TENM4: variants seen among roughly 807,000 people sequenced by gnomAD.
TENM4 encodes the protein teneurin transmembrane protein 4.
A neutral mutation model predicts 243.3 loss-of-function variants in TENM4; 82 were observed. That is an observed-to-expected ratio of 0.34 (90% CI 0.28 to 0.40). TENM4 has a LOEUF of 0.40. TENM4 is among the 10% of genes least tolerant of loss of function. TENM4 has a pLI of 1.00. For missense variants in TENM4, 3,138 were observed against 3,673.3 expected, an observed-to-expected ratio of 0.85 and a Z score of 3.77; for synonymous variants, 1,412 against 1,456.3, an observed-to-expected ratio of 0.97 and a Z score of 0.69.
At chr11:79,087,452 A>G (rs1296205293) in intron 4 of TENM4, among the ~76,000 whole-genome samples, 2 of 152,262 alleles carry the variant, frequency 1.3e-5, no homozygotes, top group African/African-American at 4.8e-5. Flanking sequence ...AACATGCTGC[A>G]TGGGAATCCT....
In TENM4 at chr11:78,655,391, A is replaced by C. The variant is rs544208823; in HGVS notation, c.*2667T>G. The C allele has an allele frequency of 9.2e-5, 14 of 152,102 alleles. No homozygotes were observed. Among genetic ancestry groups the C allele is most frequent in the Admixed American group, 7.2e-4 (11 of 15,282 alleles). 9.4% of individuals were successfully genotyped at this position (152,102 alleles called of 1,614,324 possible). On this transcript the variant is annotated 3_prime_UTR_variant, in exon 34 of 34. Coordinates refer to ENST00000278550, the MANE Select transcript of TENM4 (RefSeq NM_001098816.3). The stretch of plus-strand genomic sequence containing the variant: ...AAATATAAGATCCTTTAAAGAAACA[A>C]ACACTCAGTCCAGGCGCAGTGGCTC...
intron 6 of TENM4, among the ~76,000 whole-genome samples, chr11:78,926,729 TA>T (rs1856560682): frequency 7.3e-5 from 11 of 151,658 alleles, no homozygotes; most frequent in Admixed American, 7.2e-4. Flanking sequence ...GATTTGACGT[TA>T]ATATTATAGA....
At chr11:79,357,325 T>C (rs1857513877) in intron 1 of TENM4, among the ~76,000 whole-genome samples, 2 of 152,230 alleles carry the variant, frequency 1.3e-5, no homozygotes, top group Admixed American at 6.5e-5. Flanking sequence ...AGAATATTTC[T>C]CCTTCTGTCC....
intron 4 of TENM4, among the ~76,000 whole-genome samples, chr11:79,085,302 G>A (rs1010919778): frequency 4.0e-5 from 6 of 151,476 alleles, no homozygotes; most frequent in Non-Finnish European, 5.9e-5. Flanking sequence ...GCGTGAACCC[G>A]GGAGGCGGAG....
chr11:79,208,770 G>A (rs1017232190), intron 3 of TENM4, among the ~76,000 whole-genome samples: 4 of 152,206 alleles, frequency 2.6e-5, no homozygotes, highest in Admixed American at 1.3e-4. Context: ...ACAAATGTCT[G>A]TTCTCACCCC....
intron 6 of TENM4, among the ~76,000 whole-genome samples, chr11:79,029,080 T>C (rs139300774): frequency 8.3e-4 from 126 of 152,304 alleles, no homozygotes; most frequent in Admixed American, 2.1e-3. Context: ...CAAAAATATT[T>C]TTCCCCTCGC....
At chr11:78,863,581 T>A (rs958116278) in intron 9 of TENM4, among the ~76,000 whole-genome samples, 1 of 152,204 alleles carries the variant, frequency 6.6e-6, no homozygotes, top group African/African-American at 2.4e-5. Flanking sequence ...CATAATCATA[T>A]GAAAAGACTC....
At chr11:78,814,166 G>GC in intron 13 of TENM4, 128 bp downstream of exon 13, 2 of 816,528 alleles carry the variant, frequency 2.4e-6, no homozygotes, top group Non-Finnish European at 3.8e-6. Context: ...CTGGAGAATG[G>GC]CCCTTGGAAA....
intron 1 of TENM4, among the ~76,000 whole-genome samples, chr11:79,368,922 A>G (rs1237491681): frequency 6.6e-6 from 1 of 152,244 alleles, no homozygotes; most frequent in Non-Finnish European, 1.5e-5. Context: ...GGTACACAGT[A>G]AATGTCAAAT....
chr11:78,883,507 T>G (rs1353531036), intron 9 of TENM4, among the ~76,000 whole-genome samples: 1 of 152,224 alleles, frequency 6.6e-6, no homozygotes, highest in African/African-American at 2.4e-5. Context: ...CTGGACCTGA[T>G]GATACAGCAA....
chr11:78,910,408 G>A (rs1309203477), intron 6 of TENM4, among the ~76,000 whole-genome samples: 2 of 151,808 alleles, frequency 1.3e-5, no homozygotes, highest in African/African-American at 4.8e-5. Flanking sequence ...CACTGACATG[G>A]GATGGTGATG....
intron 4 of TENM4, 115 bp downstream of exon 4, chr11:79,148,595 T>C (rs1408469644): frequency 5.6e-6 from 1 of 179,148 alleles, no homozygotes; most frequent in African/African-American, 2.4e-5. Flanking sequence ...TATTGTAAAA[T>C]AAATGAAGAT....
intron 6 of TENM4, among the ~76,000 whole-genome samples, chr11:79,019,352 G>A (rs778300370): frequency 1.6e-4 from 24 of 152,126 alleles, no homozygotes; most frequent in Admixed American, 5.2e-4. Context: ...TTGGGAATGG[G>A]GGAAGGAAAA....
chr11:79,124,781 ATATGTGTATATATATGTATATG>A lies in TENM4; in HGVS notation c.-66+23907_-66+23928del, dbSNP rs1415790553. Among the ~76,000 whole-genome samples, 122 of 145,276 alleles carry A rather than the reference ATATGTGTATATATATGTATATG, an allele frequency of 8.4e-4. No homozygotes were observed. In the Middle Eastern group the frequency reaches 0.011, roughly 13 times the overall value. The stretch of plus-strand genomic sequence containing the variant: ...AATATATATATATATATACACATAT[ATATGTGTATATATATGTATATG>A]TATGTGTATATATATGTATATGTAT... On this transcript the variant is annotated intron_variant, in intron 4 of 33. Coordinates refer to ENST00000278550, the MANE Select transcript of TENM4 (RefSeq NM_001098816.3).
Position 78,797,528 on chromosome 11 carries a change from G to A in TENM4, c.2179+7764C>T, listed in dbSNP as rs1250016619. Among the ~76,000 whole-genome samples the A allele has an allele frequency of 6.6e-5, 10 of 152,310 alleles. 1 individual carries two copies. The South Asian group carries it at 1.9e-3, about 28-fold the overall frequency. Reference sequence around the variant, plus strand: ...ATAGAAAACGTTCCAGGGCTGTCAGGGGAAATTCTACTAAATTACAAATCT... The same window carrying A: ...ATAGAAAACGTTCCAGGGCTGTCAGAGGAAATTCTACTAAATTACAAATCT... On this transcript the variant is annotated intron_variant, in intron 15 of 33. Transcript: ENST00000278550.
At chr11:79,070,124 G>T in intron 4 of TENM4, 115 bp from the exon 5 acceptor site, 1 of 1,298,862 alleles carries the variant, frequency 7.7e-7, no homozygotes, top group Non-Finnish European at 1.0e-6. Context: ...GGCAGTGGAG[G>T]AGAGGGTACC....
intron 1 of TENM4, among the ~76,000 whole-genome samples, chr11:79,381,090 G>C (rs1230407751): frequency 6.6e-6 from 1 of 152,122 alleles, no homozygotes; most frequent in African/African-American, 2.4e-5. Flanking sequence ...TTGTAGCCCT[G>C]ACTCTTGAGT....
At chr11:79,298,622 GA>G (rs2135394414) in intron 1 of TENM4, among the ~76,000 whole-genome samples, 1 of 151,078 alleles carries the variant, frequency 6.6e-6, no homozygotes, top group South Asian at 2.1e-4. Flanking sequence ...AAGGAAAAGA[GA>G]AGGAAACTCC....
At position 78,814,305 on chromosome 11, in the gene TENM4, T is replaced by G. The variant is rs1227092539; in HGVS notation, c.1772A>C (p.Asp591Ala). 6.5e-7 allele frequency: 1 copy of G among 1,549,918 alleles called. No homozygotes were observed. Among genetic ancestry groups the G allele is most frequent in the Non-Finnish European group, 8.7e-7 (1 of 1,146,256 alleles). ...CHCFLGFLGP[D>A]CGRASCPVLC... ...TGCAGAGTTCTCACCTCTGCCACAG[T>G]CGGGGCCCAGGAAACCCAGGAAGCA... is the stretch of plus-strand genomic sequence containing the variant. The change falls in exon 13 of 34, where the codon GAC (aspartate) becomes GCC (alanine). Residue 591 changes from aspartate to alanine, a missense_variant. Asp to Ala is a moderately radical substitution (Grantham distance 126, BLOSUM62 -2). Around this residue, in one of 2 missense-constraint regions of TENM4, gnomAD observed 2,467 missense variants for 3,059.1 expected, o/e 0.81. Transcript: ENST00000278550.
Sources: allele counts gnomAD v4.1 joint callset (sites outside exome capture counted in the v4.1 genomes callset), GRCh38; gene constraint gnomAD v4.1.1; regional missense constraint gnomAD v4.1.1; transcripts MANE v1.5; gene names NCBI Gene and HGNC (gene_info 2026-07-23, HGNC 2026-07-21).